GTF2H1: variants seen among roughly 807,000 people sequenced by gnomAD.
The protein encoded by GTF2H1 is BTF2 p62.
GTF2H1 carries 16 observed loss-of-function variants against 71.2 expected under a neutral mutation model. The ratio of observed to expected loss-of-function variants is 0.22; its 90% CI spans 0.15 to 0.34. The LOEUF (loss-of-function observed/expected upper bound fraction) is 0.34. Among genes scored for constraint, GTF2H1 ranks in the 10% least tolerant of loss-of-function variants. GTF2H1 has a pLI of 1.00. For synonymous variants in GTF2H1, 215 were observed against 219.0 expected, an observed-to-expected ratio of 0.98 and a Z score of 0.16; for missense variants, 498 against 648.2, an observed-to-expected ratio of 0.77 and a Z score of 2.52.
rs1041307368 is a variant in GTF2H1 at position 18,322,711 on chromosome 11, C to T, written c.-45C>T. 4 of 136,832 alleles carry T rather than the reference C, an allele frequency of 2.9e-5. No homozygotes were observed. Among genetic ancestry groups the T allele is most frequent in the Admixed American group, 2.5e-4 (3 of 11,862 alleles). The allele number at this position is 136,832 out of a possible 1,614,324, so 8.5% of individuals were successfully genotyped here. ...CGACCGGATCCAACCCAGTTAGTTA[C>T]TTCCTGTCTAGAGTTGTAGCTTCCA... On this transcript the variant is annotated 5_prime_UTR_variant, in exon 1 of 15. Coordinates refer to ENST00000265963, the MANE Select transcript of GTF2H1 (RefSeq NM_005316.4).
rs1865316285 is a variant in GTF2H1, at chr11:18,347,257, C to A, written c.838-331C>A. The A allele has an allele frequency of 2.3e-5, 4 of 170,702 alleles. No individual in the cohort carries two copies. The South Asian group carries it at 6.1e-4, about 26-fold the overall frequency. 10.6% of individuals were successfully genotyped at this position (170,702 alleles called of 1,614,324 possible). A position where few individuals can be genotyped will look rare whatever the true frequency, so the allele number is the denominator to read the frequency against. On this transcript the variant is annotated intron_variant, in intron 7 of 14. Coordinates refer to ENST00000265963, the MANE Select transcript of GTF2H1 (RefSeq NM_005316.4). ...GGCGTGGTGGCAGGCGCCTGTAATCCCAGCTTCTCAGGAGGCTGAGGCAAG... is the reference window on the plus strand; with the variant it reads ...GGCGTGGTGGCAGGCGCCTGTAATCACAGCTTCTCAGGAGGCTGAGGCAAG...
intron 14 of GTF2H1, among the ~76,000 whole-genome samples, chr11:18,363,827 C>T (rs1257186344): frequency 6.6e-6 from 1 of 151,996 alleles, no homozygotes; most frequent in Non-Finnish European, 1.5e-5. Flanking sequence ...AATCCCAGTA[C>T]TTTGGGAGGC....
At chr11:18,364,271 T>C (rs1300388481) in intron 14 of GTF2H1, among the ~76,000 whole-genome samples, 1 of 152,200 alleles carries the variant, frequency 6.6e-6, no homozygotes, top group African/African-American at 2.4e-5. Flanking sequence ...TTTTTAACTC[T>C]GTACCCCTCA....
chr11:18,340,319 G>C (rs1814572193), intron 5 of GTF2H1, among the ~76,000 whole-genome samples: 1 of 151,414 alleles, frequency 6.6e-6, no homozygotes, highest in South Asian at 2.1e-4. Flanking sequence ...ACAGAGTCTT[G>C]CTCTGTCAAC....
intron 1 of GTF2H1, among the ~76,000 whole-genome samples, chr11:18,330,278 G>A (rs1329038744): frequency 6.6e-6 from 1 of 152,196 alleles, no homozygotes; most frequent in Admixed American, 6.5e-5. Flanking sequence ...GTCGTGGGTA[G>A]CAACTGTCTG....
chr11:18,362,525 T>C (rs1319429119), intron 14 of GTF2H1, among the ~76,000 whole-genome samples: 2 of 152,138 alleles, frequency 1.3e-5, no homozygotes, highest in Non-Finnish European at 2.9e-5. Context: ...TTTTTCATTC[T>C]TTGGAATAAC....
At chr11:18,333,281 A>G in intron 2 of GTF2H1, 53 bp downstream of exon 2, 1 of 1,310,676 alleles carries the variant, frequency 7.6e-7, no homozygotes, top group Non-Finnish European at 1.1e-6. Context: ...GTTGCTAGTA[A>G]TTTTGTAAAG....
At chr11:18,342,254 T>TC (rs1865175071) in intron 7 of GTF2H1, among the ~76,000 whole-genome samples, 1 of 14,996 alleles carries the variant, frequency 6.7e-5, no homozygotes, top group Non-Finnish European at 1.5e-4. Flanking sequence ...TTCTGTCTCT[T>TC]TTTTTTTTTT....
intron 2 of GTF2H1, among the ~76,000 whole-genome samples, chr11:18,334,051 G>T (rs1479374482): frequency 6.6e-6 from 1 of 152,140 alleles, no homozygotes; most frequent in Non-Finnish European, 1.5e-5. Context: ...AGACCAGCCT[G>T]CTCAACATGG....
intron 11 of GTF2H1, among the ~76,000 whole-genome samples, chr11:18,354,313 T>C (rs574976520): frequency 2.6e-4 from 39 of 152,380 alleles, no homozygotes; most frequent in East Asian, 1.7e-3. Context: ...AGTATTTGCC[T>C]GGTTTCTCCA....
In GTF2H1 at chr11:18,339,544, G is replaced by A. The variant is rs367546822; in HGVS notation, c.514-20G>A. The A allele has an allele frequency of 6.1e-4, 955 of 1,555,740 alleles. 1 individual carries two copies. Among genetic ancestry groups the A allele is most frequent in the Non-Finnish European group, 8.1e-4 (915 of 1,127,464 alleles). ...TTCCCTGATGCTCTAACGTGTATGT[G>A]TGTATGGGCTTTGTTTTAGGCTGAT... is the stretch of plus-strand genomic sequence containing the variant. On this transcript the variant is annotated intron_variant, in intron 4 of 14. Transcript: ENST00000265963.
At position 18,352,432 on chromosome 11, in the gene GTF2H1, C is replaced by T. The variant is rs189456457; in HGVS notation, c.1246C>T (p.Pro416Ser). 50 of 1,381,222 alleles carry T rather than the reference C, an allele frequency of 3.6e-5. No homozygotes were observed. In the Admixed American group the frequency reaches 6.9e-4, roughly 19 times the overall value. The allele number at this position is 1,381,222 out of a possible 1,614,324, so 85.6% of individuals were successfully genotyped here. ...SIRQEMEAYTPKLTQVLSSSA... is the reference protein window; with the variant it reads ...SIRQEMEAYTSKLTQVLSSSA... ...TAGACAAGAAATGGAAGCTTATACA[C>T]CCAAGTTAACTCAGGTAGGTGACTT... Residue 416 changes from proline to serine, a missense_variant, in exon 11 of 15, where the codon CCC becomes TCC. Transcript: ENST00000265963.
intron 1 of GTF2H1, among the ~76,000 whole-genome samples, chr11:18,323,268 CAA>C (rs1864594675): frequency 6.6e-6 from 1 of 152,022 alleles, no homozygotes. Flanking sequence ...CCAGTGTTCT[CAA>C]AGGCCAAATT....
chr11:18,364,428 A>C (rs1865775019), intron 14 of GTF2H1, among the ~76,000 whole-genome samples: 1 of 152,160 alleles, frequency 6.6e-6, no homozygotes, highest in African/African-American at 2.4e-5. Flanking sequence ...CTCAAAAGTC[A>C]GTATAAGCCA....
intron 7 of GTF2H1, among the ~76,000 whole-genome samples, chr11:18,342,346 C>G (rs927235575): frequency 1.6e-4 from 24 of 145,962 alleles, no homozygotes; most frequent in African/African-American, 6.1e-4. Flanking sequence ...ACTGCAACCT[C>G]TGCCTCCCAA....
At chr11:18,354,397 A>AC (rs1333636110) in intron 11 of GTF2H1, among the ~76,000 whole-genome samples, 1 of 151,994 alleles carries the variant, frequency 6.6e-6, no homozygotes, top group African/African-American at 2.4e-5. Context: ...CTATATAAAT[A>AC]CCCCATTTGT....
chr11:18,347,774 G>A (rs1235800702), intron 8 of GTF2H1, 58 bp from the exon 9 acceptor site: 1 of 1,597,846 alleles, frequency 6.3e-7, no homozygotes, highest in East Asian at 2.2e-5. Context: ...AGATGGAGTT[G>A]TGGTGTTGTT....
At chr11:18,334,889 T>C (rs916886608) in intron 2 of GTF2H1, among the ~76,000 whole-genome samples, 2 of 152,252 alleles carry the variant, frequency 1.3e-5, no homozygotes, top group African/African-American at 2.4e-5. Context: ...TAATAAAAAA[T>C]AGCCATTGTT....
At chr11:18,342,412 C>T (rs1186189176) in intron 7 of GTF2H1, among the ~76,000 whole-genome samples, 4 of 151,962 alleles carry the variant, frequency 2.6e-5, no homozygotes, top group Non-Finnish European at 1.5e-5. Flanking sequence ...CAGGCACGTG[C>T]CACCACACCC....
Sources: gnomAD v4.1 joint callset for allele counts (sites outside exome capture counted in the v4.1 genomes callset) on GRCh38, gnomAD v4.1.1 for gene constraint, MANE v1.5 for transcripts, NCBI Gene and HGNC (gene_info 2026-07-23, HGNC 2026-07-21) for gene names.